The following SLC25A20 variants were observed in gnomAD, a reference collection of about 807,000 sequenced individuals.
SLC25A20 encodes solute carrier family 25 member 20.
A neutral mutation model predicts 39.7 loss-of-function variants in SLC25A20; 29 were observed. That is an observed-to-expected ratio of 0.73 (90% CI 0.54 to 1.00). The LOEUF (loss-of-function observed/expected upper bound fraction) is 1.00. Ranked by LOEUF, SLC25A20 falls within the 50% of genes least tolerant of loss-of-function variation. SLC25A20 has a pLI of 0.00. For synonymous variants in SLC25A20, 103 were observed against 142.2 expected, an observed-to-expected ratio of 0.72 and a Z score of 1.96; for missense variants, 333 against 379.9, an observed-to-expected ratio of 0.88 and a Z score of 1.03.
intron 5 of SLC25A20, 30 bp from the exon 6 acceptor site, chr3:48,859,657 A>C: frequency 6.5e-7 from 1 of 1,545,732 alleles, no homozygotes; most frequent in Non-Finnish European, 8.9e-7. Flanking sequence ...GGTGAATTAA[A>C]GTACATAAAC....
At chr3:48,871,999 T>TTC in intron 4 of SLC25A20, among the ~76,000 whole-genome samples, 1 of 141,316 alleles carries the variant, frequency 7.1e-6, no homozygotes, top group East Asian at 2.1e-4. Context: ...TTTTTTTTTT[T>TTC]TTTTTTTTTT....
At chr3:48,870,262 G>T (rs979292700) in intron 4 of SLC25A20, among the ~76,000 whole-genome samples, 14 of 152,126 alleles carry the variant, frequency 9.2e-5, no homozygotes, top group African/African-American at 3.4e-4. Flanking sequence ...TTAGCCAAGG[G>T]TGATGGCATG....
chr3:48,863,684 CA>C (rs2083643442), intron 4 of SLC25A20, among the ~76,000 whole-genome samples: 1 of 152,144 alleles, frequency 6.6e-6, no homozygotes, highest in South Asian at 2.1e-4. Flanking sequence ...ATACATAAAC[CA>C]AATAGCTTTC....
chr3:48,868,353 C>T (rs968888786), intron 4 of SLC25A20, among the ~76,000 whole-genome samples: 9 of 151,992 alleles, frequency 5.9e-5, no homozygotes, highest in African/African-American at 1.9e-4. Flanking sequence ...GGGAAAAGAG[C>T]GATGGACAAA....
chr3:48,867,138 T>C (rs1182349411), intron 4 of SLC25A20, among the ~76,000 whole-genome samples: 2 of 151,662 alleles, frequency 1.3e-5, no homozygotes, highest in Non-Finnish European at 2.9e-5. Context: ...GATGGGGTTT[T>C]GCCATGTTGC....
intron 2 of SLC25A20, among the ~76,000 whole-genome samples, chr3:48,891,582 AG>A: frequency 6.6e-6 from 1 of 152,238 alleles, no homozygotes; most frequent in South Asian, 2.1e-4. Flanking sequence ...CATGTTGCCC[AG>A]GCTGGTCTTA....
At chr3:48,890,178 T>C (rs566633391) in intron 2 of SLC25A20, among the ~76,000 whole-genome samples, 1 of 152,262 alleles carries the variant, frequency 6.6e-6, no homozygotes, top group African/African-American at 2.4e-5. Flanking sequence ...CCTTGTCCAC[T>C]TTCATGTTCC....
intron 2 of SLC25A20, among the ~76,000 whole-genome samples, chr3:48,889,779 C>T (rs934998676): frequency 6.6e-6 from 1 of 152,118 alleles, no homozygotes; most frequent in Admixed American, 6.6e-5. Context: ...TGATCATGGA[C>T]ATTATCAATC....
chr3:48,858,548 C>T lies in SLC25A20; in HGVS notation c.802G>A (p.Gly268Arg), dbSNP rs1427514551. 1 of 1,614,234 alleles carries T rather than the reference C, an allele frequency of 6.2e-7. No individual in the cohort carries two copies. Among genetic ancestry groups the T allele is most frequent in the East Asian group, 2.2e-5 (1 of 44,888 alleles). The change falls in exon 8 of 9, where the codon GGG becomes AGG. Residue 268 changes from glycine to arginine, a missense_variant. By Grantham distance (125) the Gly-to-Arg change is moderately radical (BLOSUM62 -2). Transcript: ENST00000319017. Reference protein sequence around the residue: ...RDEGVTSLYKGFNAVMIRAFP... With the variant: ...RDEGVTSLYKRFNAVMIRAFP... ...GCTCGGATCATCACTGCATTGAACCCTTTGTACAAGGATGTGACTCCTTCA... is the reference window on the plus strand; with the variant it reads ...GCTCGGATCATCACTGCATTGAACCTTTTGTACAAGGATGTGACTCCTTCA...
chr3:48,875,355 C>T (rs1053225651), intron 4 of SLC25A20, among the ~76,000 whole-genome samples: 1 of 152,064 alleles, frequency 6.6e-6, no homozygotes, highest in Non-Finnish European at 1.5e-5. Flanking sequence ...CCCCCTCGGC[C>T]TCCTAAAGTG....
At chr3:48,884,982 A>G (rs2083819943) in intron 2 of SLC25A20, among the ~76,000 whole-genome samples, 1 of 152,078 alleles carries the variant, frequency 6.6e-6, no homozygotes, top group East Asian at 1.9e-4. Flanking sequence ...AAAATGTTTT[A>G]TATTTTCCAG....
At chr3:48,868,595 A>G (rs1156352493) in intron 4 of SLC25A20, among the ~76,000 whole-genome samples, 3 of 152,174 alleles carry the variant, frequency 2.0e-5, no homozygotes, top group Admixed American at 1.3e-4. Context: ...TTTTCCTTTT[A>G]CCCTGCATAT....
rs767731202 is a variant in SLC25A20, at chr3:48,884,170, CT to C, written c.199-47del. On this transcript the variant is annotated intron_variant, in intron 2 of 8. Transcript: ENST00000319017. The stretch of plus-strand genomic sequence containing the variant: ...AGAAGCTGTTTACAGACACCACCAC[CT>C]TTTAAATCACTGAAAGAGGAAAGCA... 24 of 1,610,656 alleles carry C rather than the reference CT, an allele frequency of 1.5e-5. 1 individual carries two copies. The African/African-American group carries it at 1.7e-4, about 12-fold the overall frequency.
At chr3:48,857,814 A>C in intron 8 of SLC25A20, 42 bp from the exon 9 acceptor site, 1 of 1,576,344 alleles carries the variant, frequency 6.3e-7, no homozygotes, top group African/African-American at 1.3e-5. Context: ...AGCAGGAATA[A>C]CTATTCATAG....
At chr3:48,878,725 G>C (rs973770017) in intron 4 of SLC25A20, among the ~76,000 whole-genome samples, 6 of 151,262 alleles carry the variant, frequency 4.0e-5, no homozygotes, top group Admixed American at 3.3e-4. Context: ...ACTTGAATCC[G>C]GGAGGTGGAG....
chr3:48,887,596 G>A (rs1275420506), intron 2 of SLC25A20, among the ~76,000 whole-genome samples: 2 of 152,150 alleles, frequency 1.3e-5, no homozygotes, highest in Non-Finnish European at 2.9e-5. Flanking sequence ...GATGTAAGGA[G>A]GAGGAGCTTA....
In SLC25A20 at chr3:48,862,645, T is replaced by C; in HGVS notation, c.432A>G (p.Ser144=). 6.2e-7 allele frequency: 1 copy of C among 1,611,122 alleles called. No homozygotes were observed. The highest frequency in any genetic ancestry group is 8.5e-7 in the Non-Finnish European group (1 of 1,177,312). ...IKCLLQIQAS[S]GESKYTGTLD... ...AGGTACCAGTGTACTTGCTTTCTCC[T>C]GAAGAAGCCTGAATCTGGGAGGGAG... Residue 144 remains serine (S), a synonymous_variant, in exon 5 of 9, where the codon TCA becomes TCG. Coordinates refer to ENST00000319017, the MANE Select transcript of SLC25A20 (RefSeq NM_000387.6).
intron 1 of SLC25A20, among the ~76,000 whole-genome samples, chr3:48,895,526 T>C (rs2083904819): frequency 6.6e-6 from 1 of 152,260 alleles, no homozygotes; most frequent in Admixed American, 6.5e-5. Flanking sequence ...ACATCATTTT[T>C]ACCATGTTGT....
chr3:48,889,836 T>G (rs1183766485), intron 2 of SLC25A20, among the ~76,000 whole-genome samples: 3 of 152,248 alleles, frequency 2.0e-5, no homozygotes, highest in Non-Finnish European at 4.4e-5. Context: ...TTACTCTTTG[T>G]TGTATTACTA....
Sources: gnomAD v4.1 joint callset for allele counts (sites outside exome capture counted in the v4.1 genomes callset) on GRCh38, gnomAD v4.1.1 for gene constraint, MANE v1.5 for transcripts, NCBI Gene and HGNC (gene_info 2026-07-23, HGNC 2026-07-21) for gene names.